Variants in MDGA2 observed in about 807,000 individuals in gnomAD.
The protein encoded by MDGA2 is MAM domain-containing glycosylphosphatidylinositol anchor protein 2.
Under a neutral mutation model 117.8 loss-of-function variants are expected in MDGA2, and 40 were observed. The observed-to-expected ratio is 0.34, with a 90% CI of 0.26 to 0.44. MDGA2 has a LOEUF of 0.44. MDGA2 is among the 20% of genes least tolerant of loss of function. The pLI, the probability that MDGA2 is intolerant of heterozygous loss-of-function variation, is 1.00. For missense variants in MDGA2, 1,123 were observed against 1,250.6 expected, an observed-to-expected ratio of 0.90 and a Z score of 1.54; for synonymous variants, 452 against 439.0, an observed-to-expected ratio of 1.03 and a Z score of -0.37.
At chr14:47,165,663 G>T (rs1378329304) in intron 3 of MDGA2, among the ~76,000 whole-genome samples, 1 of 152,168 alleles carries the variant, frequency 6.6e-6, no homozygotes, top group South Asian at 2.1e-4. Flanking sequence ...AAATCAAAGT[G>T]GAAGGGTCTC....
intron 3 of MDGA2, among the ~76,000 whole-genome samples, chr14:47,206,629 C>G (rs1885694019): frequency 6.6e-6 from 1 of 151,948 alleles, no homozygotes; most frequent in African/African-American, 2.4e-5. Flanking sequence ...GTGGCTCACA[C>G]CTGTAATCCC....
chr14:46,952,490 T>C (rs796170641), intron 9 of MDGA2, among the ~76,000 whole-genome samples: 2 of 152,144 alleles, frequency 1.3e-5, no homozygotes, highest in African/African-American at 4.8e-5. Context: ...TTTTCTAGAC[T>C]GTTTAAATAA....
chr14:46,952,071 T>A (rs968550679), intron 9 of MDGA2, among the ~76,000 whole-genome samples: 1 of 152,030 alleles, frequency 6.6e-6, no homozygotes, highest in East Asian at 1.9e-4. Flanking sequence ...AAACCATAGT[T>A]CAAGGATTTT....
At chr14:46,980,881 T>G (rs1886644998) in intron 8 of MDGA2, among the ~76,000 whole-genome samples, 1 of 152,190 alleles carries the variant, frequency 6.6e-6, no homozygotes, top group African/African-American at 2.4e-5. Flanking sequence ...AATTTAATAT[T>G]CACTAGGAAA....
At chr14:46,893,588 A>G (rs1284415066) in intron 10 of MDGA2, among the ~76,000 whole-genome samples, 1 of 152,074 alleles carries the variant, frequency 6.6e-6, no homozygotes, top group African/African-American at 2.4e-5. Flanking sequence ...TGTAGTAATC[A>G]TTGTATTATG....
At chr14:47,143,504 G>A (rs528711431) in intron 4 of MDGA2, among the ~76,000 whole-genome samples, 12 of 151,738 alleles carry the variant, frequency 7.9e-5, no homozygotes, top group Middle Eastern at 3.4e-3. Flanking sequence ...TTCATATTAC[G>A]CTCACTTTAT....
chr14:47,102,245 T>C (rs546653025), intron 5 of MDGA2, among the ~76,000 whole-genome samples: 1 of 151,706 alleles, frequency 6.6e-6, no homozygotes, highest in East Asian at 2.0e-4. Flanking sequence ...TGTATAAACC[T>C]GCCAATTGCC....
intron 4 of MDGA2, among the ~76,000 whole-genome samples, chr14:47,135,731 G>A (rs1882420317): frequency 6.6e-6 from 1 of 152,058 alleles, no homozygotes; most frequent in African/African-American, 2.4e-5. Context: ...TGCAGTCTAA[G>A]CAAAACACTT....
At position 47,142,822 on chromosome 14, in the gene MDGA2, T is replaced by C. The variant is rs10130800; in HGVS notation, c.792+1256A>G. 5.5e-3 allele frequency among the ~76,000 whole-genome samples: 841 copies of C among 152,278 alleles called. 8 individuals carry two copies. The highest frequency in any genetic ancestry group is 9.9e-3 in the Non-Finnish European group (670 of 68,018). ...TAGAACAGGCTTCGTTTCAGTACTA[T>C]GTTATGGTGAACTGACTAGTAATAC... On this transcript the variant is annotated intron_variant, in intron 4 of 16. Coordinates refer to ENST00000399232, the MANE Select transcript of MDGA2 (RefSeq NM_001113498.3).
intron 1 of MDGA2, among the ~76,000 whole-genome samples, chr14:47,324,281 T>G (rs1252330576): frequency 4.6e-5 from 7 of 152,084 alleles, no homozygotes; most frequent in Non-Finnish European, 8.8e-5. Flanking sequence ...GATGCAAAAG[T>G]ATAAAAAACA....
intron 6 of MDGA2, among the ~76,000 whole-genome samples, chr14:47,087,885 T>A (rs1890965654): frequency 6.6e-6 from 1 of 151,724 alleles, no homozygotes; most frequent in Admixed American, 6.6e-5. Context: ...ATAAAATCCC[T>A]CTTTTCTGGA....
At chr14:47,025,799 C>G (rs1480176128) in intron 8 of MDGA2, among the ~76,000 whole-genome samples, 1 of 152,060 alleles carries the variant, frequency 6.6e-6, no homozygotes, top group East Asian at 1.9e-4. Flanking sequence ...GCCATGGTCT[C>G]TACTCTCTAG....
chr14:47,009,152 A>G (rs1471489645), intron 8 of MDGA2, among the ~76,000 whole-genome samples: 1 of 152,002 alleles, frequency 6.6e-6, no homozygotes, highest in Non-Finnish European at 1.5e-5. Flanking sequence ...AAATAGTCCT[A>G]TAGTTTAGTT....
chr14:47,612,555 C>T (rs1201742200), intron 1 of MDGA2, among the ~76,000 whole-genome samples: 1 of 152,050 alleles, frequency 6.6e-6, no homozygotes, highest in Non-Finnish European at 1.5e-5. Flanking sequence ...TATTAGTATT[C>T]CAAGGTGATC....
At chr14:47,032,312 C>T (rs1888691165) in intron 8 of MDGA2, among the ~76,000 whole-genome samples, 2 of 152,018 alleles carry the variant, frequency 1.3e-5, no homozygotes, top group African/African-American at 4.8e-5. Flanking sequence ...TCAGGATGAA[C>T]ATGGTGGCTC....
intron 1 of MDGA2, among the ~76,000 whole-genome samples, chr14:47,604,106 A>G (rs1173703156): frequency 6.6e-6 from 1 of 152,162 alleles, no homozygotes; most frequent in Non-Finnish European, 1.5e-5. Context: ...ATTACTTTAT[A>G]GCAATATGAA....
At chr14:47,613,872 T>C (rs1203032729) in intron 1 of MDGA2, among the ~76,000 whole-genome samples, 1 of 152,158 alleles carries the variant, frequency 6.6e-6, no homozygotes, top group Non-Finnish European at 1.5e-5. Flanking sequence ...TCATCAGTTA[T>C]GAACACATTT....
chr14:47,559,579 T>TTC (rs1355542178), intron 1 of MDGA2, among the ~76,000 whole-genome samples: 1 of 146,684 alleles, frequency 6.8e-6, no homozygotes, highest in African/African-American at 2.5e-5. Flanking sequence ...TTCTTTTCTT[T>TTC]TTTTTTTTTT....
At chr14:46,990,527 A>G (rs1209110632) in intron 8 of MDGA2, among the ~76,000 whole-genome samples, 1 of 152,074 alleles carries the variant, frequency 6.6e-6, no homozygotes, top group Non-Finnish European at 1.5e-5. Flanking sequence ...GTAAAGAAAC[A>G]TGTTAACATT....
Sources: allele counts gnomAD v4.1 joint callset (sites outside exome capture counted in the v4.1 genomes callset), GRCh38; gene constraint gnomAD v4.1.1; transcripts MANE v1.5; gene names NCBI Gene and HGNC (gene_info 2026-07-23, HGNC 2026-07-21).